The following GRIK4 variants were observed in gnomAD, a reference collection of about 807,000 sequenced individuals.
GRIK4 encodes the protein glutamate ionotropic receptor kainate type subunit 4.
GRIK4 carries 40 observed loss-of-function variants against 104.9 expected under a neutral mutation model. The ratio of observed to expected loss-of-function variants is 0.38; its 90% confidence interval spans 0.30 to 0.50. The LOEUF (loss-of-function observed/expected upper bound fraction) is 0.50. Ranked by LOEUF, GRIK4 falls within the 20% of genes least tolerant of loss-of-function variation. The pLI is 0.93. For missense variants in GRIK4, 1,047 were observed against 1,308.1 expected, an observed-to-expected ratio of 0.80 and a Z score of 3.08; for synonymous variants, 485 against 524.9, an observed-to-expected ratio of 0.92 and a Z score of 1.04.
chr11:120,538,408 G>C (rs1321866368), intron 1 of GRIK4, among the ~76,000 whole-genome samples: 1 of 152,144 alleles, frequency 6.6e-6, no homozygotes, highest in Non-Finnish European at 1.5e-5. Context: ...CTCCCCAGGG[G>C]GTGTACATTG....
Position 120,903,565 on chromosome 11 carries a change from A to G in GRIK4, c.1273-1725A>G, listed in dbSNP as rs1189524175. Among the ~76,000 whole-genome samples, 4 of 151,754 alleles carry G rather than the reference A, an allele frequency of 2.6e-5. No individual in the cohort carries two copies. Among genetic ancestry groups the G allele is most frequent in the Admixed American group, 6.6e-5 (1 of 15,232 alleles). On this transcript the variant is annotated intron_variant, in intron 12 of 20. Coordinates refer to ENST00000527524, the MANE Select transcript of GRIK4 (RefSeq NM_014619.5). The surrounding 1 kb of genome is among the most constrained non-coding windows in gnomAD (Gnocchi z 4.4). ...ATTTTCCCTTCCTGCCTGTAAATAC[A>G]CCCTGGACTGTCCCATCCTAAAACA...
In GRIK4 at chr11:120,982,182, G is replaced by T; in HGVS notation, c.2472G>T (p.Met824Ile). The T allele has an allele frequency of 6.2e-7, 1 of 1,612,832 alleles. No individual in the cohort carries two copies. The highest frequency in any genetic ancestry group is 8.5e-7 in the Non-Finnish European group (1 of 1,178,816). Residue 824 changes from methionine to isoleucine, a missense_variant, in exon 20 of 21, where the codon ATG becomes ATT. Around this residue, in one of 3 missense-constraint regions of GRIK4, gnomAD observed 440 missense variants for 652.3 expected, o/e 0.67. Coordinates refer to ENST00000527524, the MANE Select transcript of GRIK4 (RefSeq NM_014619.5). ...CGLIVAIFMA[M>I]LEFLWTLRHS... ...TAATCGTGGCCATTTTTATGGCTAT[G>T]TTGGAGTTTTTATGGACTCTCAGAC...
chr11:120,817,150 C>T (rs1422157850), intron 5 of GRIK4, among the ~76,000 whole-genome samples: 1 of 152,158 alleles, frequency 6.6e-6, no homozygotes, highest in East Asian at 1.9e-4. Context: ...TCTCTCCCTT[C>T]TCCCCCACCA....
chr11:120,951,760 C>T (rs1432338721), intron 14 of GRIK4, among the ~76,000 whole-genome samples: 1 of 152,370 alleles, frequency 6.6e-6, no homozygotes, highest in East Asian at 1.9e-4. Context: ...GCAGCCCACA[C>T]TCAGCTTCAG....
At chr11:120,716,535 C>T (rs994184633) in intron 3 of GRIK4, among the ~76,000 whole-genome samples, 4 of 152,198 alleles carry the variant, frequency 2.6e-5, no homozygotes, top group Non-Finnish European at 5.9e-5. Flanking sequence ...TGAGCCACTA[C>T]GTCTGGCTAC....
intron 3 of GRIK4, among the ~76,000 whole-genome samples, chr11:120,704,735 CTTT>C (rs774632394): frequency 1.4e-5 from 2 of 143,108 alleles, no homozygotes; most frequent in East Asian, 2.0e-4. Flanking sequence ...ACTCTGCAAA[CTTT>C]TTTTTTTTTT....
chr11:120,569,168 A>C (rs1285367487), intron 1 of GRIK4, among the ~76,000 whole-genome samples: 1 of 152,228 alleles, frequency 6.6e-6, no homozygotes, highest in Non-Finnish European at 1.5e-5. Context: ...CAGGCGGGGC[A>C]ACTGGCAGTG....
chr11:120,867,486 G>C (rs1336018571), intron 9 of GRIK4, among the ~76,000 whole-genome samples: 4 of 151,972 alleles, frequency 2.6e-5, no homozygotes, highest in Admixed American at 2.6e-4. Flanking sequence ...CTTCTTTTCT[G>C]TTTCTCTCTC....
At chr11:120,873,924 A>G in intron 9 of GRIK4, 142 bp from the exon 10 acceptor site, 3 of 719,830 alleles carry the variant, frequency 4.2e-6, no homozygotes, top group Non-Finnish European at 6.9e-6. Flanking sequence ...GACGTGGGCC[A>G]AGGGTGATGA....
chr11:120,944,991 T>C (rs143346516), intron 14 of GRIK4, among the ~76,000 whole-genome samples: 2,043 of 151,944 alleles, frequency 0.013, 44 homozygotes, highest in African/African-American at 0.047. Context: ...AGCCTGGGTG[T>C]TGGTTTAAAA....
chr11:120,962,146 G>T (rs950847506), intron 17 of GRIK4, among the ~76,000 whole-genome samples: 3 of 152,338 alleles, frequency 2.0e-5, no homozygotes, highest in African/African-American at 7.2e-5. Flanking sequence ...CCGGAAAATG[G>T]AGGTTGGCAG....
At chr11:120,734,760 C>T (rs1951193097) in intron 3 of GRIK4, among the ~76,000 whole-genome samples, 1 of 152,068 alleles carries the variant, frequency 6.6e-6, no homozygotes, top group African/African-American at 2.4e-5. Flanking sequence ...TTCAAATAGC[C>T]TGTCTTCAGG....
chr11:120,899,237 C>T (rs943830438), intron 12 of GRIK4, among the ~76,000 whole-genome samples: 12 of 151,726 alleles, frequency 7.9e-5, no homozygotes, highest in Non-Finnish European at 1.5e-4. Context: ...GCCAACACGG[C>T]GAAACCCTGT....
chr11:120,779,349 G>T (rs1242922908), intron 3 of GRIK4, among the ~76,000 whole-genome samples: 2 of 152,164 alleles, frequency 1.3e-5, no homozygotes, highest in Non-Finnish European at 2.9e-5. Context: ...GCTGGTGGGT[G>T]GGTCCCTTCA....
chr11:120,570,732 A>G (rs1423955897), intron 1 of GRIK4, among the ~76,000 whole-genome samples: 1 of 152,236 alleles, frequency 6.6e-6, no homozygotes, highest in Non-Finnish European at 1.5e-5. Flanking sequence ...CTAGGATTAC[A>G]GGTGTGAATA....
chr11:120,863,003 G>T (rs1183641264), intron 9 of GRIK4, among the ~76,000 whole-genome samples: 1 of 152,206 alleles, frequency 6.6e-6, no homozygotes, highest in Non-Finnish European at 1.5e-5. Context: ...TAGGCAAATA[G>T]CCCAGGGTCA....
intron 11 of GRIK4, among the ~76,000 whole-genome samples, chr11:120,893,787 C>CT (rs199556911): frequency 6.6e-5 from 10 of 151,598 alleles, no homozygotes; most frequent in African/African-American, 1.7e-4. Flanking sequence ...ACATGAGGGT[C>CT]TTTTTTTTTC....
intron 1 of GRIK4, among the ~76,000 whole-genome samples, chr11:120,623,578 C>G (rs990377867): frequency 1.3e-5 from 2 of 152,220 alleles, no homozygotes; most frequent in Non-Finnish European, 2.9e-5. Flanking sequence ...AATGACATTT[C>G]TGTTATTTTC....
At chr11:120,929,761 G>A (rs764775793) in intron 13 of GRIK4, among the ~76,000 whole-genome samples, 55 of 152,132 alleles carry the variant, frequency 3.6e-4, no homozygotes, top group Non-Finnish European at 6.0e-4. Flanking sequence ...ACATGACACC[G>A]TCCAAGGTGT....
Sources: allele counts gnomAD v4.1 joint callset (sites outside exome capture counted in the v4.1 genomes callset), GRCh38; gene constraint gnomAD v4.1.1; regional missense constraint gnomAD v4.1.1; non-coding constraint Gnocchi (gnomAD v3.1); transcripts MANE v1.5; gene names NCBI Gene and HGNC (gene_info 2026-07-23, HGNC 2026-07-21).